Variants in TRIM3 observed in about 807,000 individuals in gnomAD.
TRIM3 encodes tripartite motif-containing protein 3.
In TRIM3, 13 loss-of-function variants were observed where a neutral mutation model predicts 66.6. The observed-to-expected ratio is 0.20, with a 90% CI of 0.13 to 0.31. The LOEUF (loss-of-function observed/expected upper bound fraction) is 0.31. TRIM3 is among the 10% of genes least tolerant of loss of function. The probability of loss-of-function intolerance (pLI) is 1.00; values close to 1 mark genes in which losing one functional copy is unlikely to be tolerated. For synonymous variants in TRIM3, 406 were observed against 411.7 expected (o/e 0.99, Z 0.17); for missense variants, 711 against 1,020.4 (o/e 0.70, Z 4.13).
Position 6,449,230 on chromosome 11 carries a change from A to T in TRIM3, c.2083-50T>A. On this transcript the variant is annotated intron_variant, in intron 11 of 11. Coordinates refer to ENST00000345851, the MANE Select transcript of TRIM3 (RefSeq NM_033278.4). The surrounding 1 kb of genome is among the most constrained non-coding windows in gnomAD (Gnocchi z 5.3). ...GGAGAGGCAAGATCAGGCAGATGAGAGTCTGTTTTGGGGGAACGGGCATAT... is the reference window on the plus strand; with the variant it reads ...GGAGAGGCAAGATCAGGCAGATGAGTGTCTGTTTTGGGGGAACGGGCATAT... 1 of 1,610,280 alleles carries T rather than the reference A, an allele frequency of 6.2e-7. No individual in the cohort carries two copies. The highest frequency in any genetic ancestry group is 8.5e-7 in the Non-Finnish European group (1 of 1,176,730).
rs939645712 is a variant in TRIM3 at position 6,449,921 on chromosome 11, G to C, written c.1942-475C>G. 6.1e-6 allele frequency: 1 copy of C among 163,674 alleles called. No homozygotes were observed. Among genetic ancestry groups the C allele is most frequent in the Non-Finnish European group, 1.3e-5 (1 of 74,802 alleles). The allele number at this position is 163,674 out of a possible 1,614,324, so 10.1% of individuals were successfully genotyped here. On this transcript the variant is annotated intron_variant, in intron 10 of 11. Transcript: ENST00000345851. The surrounding 1 kb of genome is among the most constrained non-coding windows in gnomAD (Gnocchi z 5.3). ...ATCTTCCTGTCTCAGTCTTGCCTCAGCCTGAGTGATCTAAGACACACAGGA... is the reference window on the plus strand; with the variant it reads ...ATCTTCCTGTCTCAGTCTTGCCTCACCCTGAGTGATCTAAGACACACAGGA...
At chr11:6,468,971 G>T (rs1366467117) in intron 1 of TRIM3, among the ~76,000 whole-genome samples, 1 of 152,224 alleles carries the variant, frequency 6.6e-6, no homozygotes, top group Non-Finnish European at 1.5e-5. Context: ...CCTGGGTAGA[G>T]TGTGAAGGGC....
chr11:6,450,667 G>A lies in TRIM3; in HGVS notation c.1871-46C>T, dbSNP rs746239862. 2 of 1,573,948 alleles carry A rather than the reference G, an allele frequency of 1.3e-6. No homozygotes were observed. The highest frequency in any genetic ancestry group is 1.7e-6 in the Non-Finnish European group (2 of 1,143,602). ...TCAGGGCAGTAAGCTGGGATGCTGA[G>A]TGGGATGGGGAAGAGTATCTGGGAA... On this transcript the variant is annotated intron_variant, in intron 9 of 11. Transcript: ENST00000345851. The surrounding 1 kb of genome is among the most constrained non-coding windows in gnomAD (Gnocchi z 4.8).
chr11:6,466,833 T>A (rs1850491119), intron 1 of TRIM3, among the ~76,000 whole-genome samples: 1 of 152,206 alleles, frequency 6.6e-6, no homozygotes, highest in Non-Finnish European at 1.5e-5. Flanking sequence ...CTGTATTTAC[T>A]CCATCCTAAC....
In TRIM3 at chr11:6,463,394, G is replaced by A. The variant is rs575104316; in HGVS notation, c.131+2171C>T. Among the ~76,000 whole-genome samples the A allele has an allele frequency of 3.9e-5, 6 of 152,370 alleles. No individual in the cohort carries two copies. The South Asian group carries it at 1.0e-3, about 26-fold the overall frequency. On this transcript the variant is annotated intron_variant, in intron 2 of 11. Coordinates refer to ENST00000345851, the MANE Select transcript of TRIM3 (RefSeq NM_033278.4). The stretch of plus-strand genomic sequence containing the variant: ...AAGCAATCAATACATGGTAGCTACT[G>A]TTATTACAATTTCTCAGCCAGATTT...
chr11:6,456,275 C>A lies in TRIM3; in HGVS notation c.1429+22G>T. The A allele has an allele frequency of 6.3e-7, 1 of 1,581,340 alleles. No individual in the cohort carries two copies. Among genetic ancestry groups the A allele is most frequent in the Non-Finnish European group, 8.6e-7 (1 of 1,160,894 alleles). On this transcript the variant is annotated intron_variant, in intron 6 of 11. Coordinates refer to ENST00000345851, the MANE Select transcript of TRIM3 (RefSeq NM_033278.4). The surrounding 1 kb of genome is among the most constrained non-coding windows in gnomAD (Gnocchi z 6.4). ...CACTACCTGAGCCTGGCCCATCTGG[C>A]TCTGCCCTCGGCTGTCTGTACCAAC...
intron 1 of TRIM3, among the ~76,000 whole-genome samples, chr11:6,467,696 T>C (rs983460310): frequency 6.6e-6 from 1 of 151,544 alleles, no homozygotes; most frequent in Non-Finnish European, 1.5e-5. Flanking sequence ...GCCCAGGAGG[T>C]CGAGGCTGCA....
At chr11:6,452,472 C>CTTGG (rs1258637179) in intron 7 of TRIM3, 2 of 152,406 alleles carry the variant, frequency 1.3e-5, no homozygotes, top group East Asian at 3.9e-4. Context: ...TGGCCTTGCT[C>CTTGG]TTGGATTCAA....
chr11:6,467,086 G>T lies in TRIM3; in HGVS notation c.-37-1354C>A, dbSNP rs190783700. 3.3e-4 allele frequency among the ~76,000 whole-genome samples: 50 copies of T among 152,266 alleles called. No individual in the cohort carries two copies. In the East Asian group the frequency reaches 8.5e-3, roughly 26 times the overall value. ...GGAATGGAATGATAAAACAGACAGG[G>T]TCACTGTCCCTGTGGTGGGGAGGTG... On this transcript the variant is annotated intron_variant, in intron 1 of 11. Coordinates refer to ENST00000345851, the MANE Select transcript of TRIM3 (RefSeq NM_033278.4).
At chr11:6,453,829 C>T (rs745700856) in intron 7 of TRIM3, among the ~76,000 whole-genome samples, 5 of 152,216 alleles carry the variant, frequency 3.3e-5, no homozygotes, top group Non-Finnish European at 7.3e-5. Flanking sequence ...ACGGTCATGT[C>T]GTGAGGACCC....
intron 7 of TRIM3, chr11:6,452,205 C>T (rs1202610173): frequency 6.6e-6 from 1 of 152,258 alleles, no homozygotes; most frequent in Admixed American, 6.5e-5. Flanking sequence ...AACCTTCCTC[C>T]TACACAGAGT....
Position 6,451,421 on chromosome 11 carries a change from G to A in TRIM3, c.1551C>T (p.Gly517=), listed in dbSNP as rs2134158547. ...GGACCCCAAAACGGAACTTGAACTGGCCCTCATTGGAGAAAACCTGGAGCA... is the reference window on the plus strand; with the variant it reads ...GGACCCCAAAACGGAACTTGAACTGACCCTCATTGGAGAAAACCTGGAGCA... ...NQCIQVFSNE[G]QFKFRFGVRG... The change falls in exon 8 of 12, where the codon GGC becomes GGT. Residue 517 remains glycine, a synonymous_variant. Coordinates refer to ENST00000345851, the MANE Select transcript of TRIM3 (RefSeq NM_033278.4). The A allele has an allele frequency of 1.9e-6, 3 of 1,614,148 alleles. No individual in the cohort carries two copies. The highest frequency in any genetic ancestry group is 2.5e-6 in the Non-Finnish European group (3 of 1,180,024).
At chr11:6,473,396 AG>A (rs1850783647) in intron 1 of TRIM3, 1 of 146,108 alleles carries the variant, frequency 6.8e-6, no homozygotes, top group Non-Finnish European at 1.5e-5. Context: ...TGGGGGAGCA[AG>A]GGGTGGAGGT....
Position 6,451,395 on chromosome 11 carries a change from C to T in TRIM3, c.1577G>A (p.Arg526Gln). The change falls in exon 8 of 12, where the codon CGA (arginine) becomes CAA (glutamine). Residue 526 changes from arginine (R) to glutamine (Q), a missense_variant. Physicochemically the swap from Arg to Gln is conservative, Grantham distance 43. Around this residue, in one of 3 missense-constraint regions of TRIM3, gnomAD observed 163 missense variants for 321.9 expected, o/e 0.51. Transcript: ENST00000345851. ...EGQFKFRFGV[R>Q]GRSPGQLQRP... ...CTGCAGCTGCCCAGGTGAGCGTCCT[C>T]GGACCCCAAAACGGAACTTGAACTG... 3.1e-6 allele frequency: 5 copies of T among 1,614,148 alleles called. No individual in the cohort carries two copies. Among genetic ancestry groups the T allele is most frequent in the Non-Finnish European group, 4.2e-6 (5 of 1,180,036 alleles).
At chr11:6,468,770 G>C (rs1850568008) in intron 1 of TRIM3, among the ~76,000 whole-genome samples, 1 of 152,334 alleles carries the variant, frequency 6.6e-6, no homozygotes, top group East Asian at 1.9e-4. Flanking sequence ...ACAACAGCTG[G>C]ATTACTCCAA....
intron 1 of TRIM3, among the ~76,000 whole-genome samples, chr11:6,468,307 C>T (rs577466509): frequency 6.6e-6 from 1 of 152,284 alleles, no homozygotes; most frequent in South Asian, 2.1e-4. Flanking sequence ...CAATGTGTCT[C>T]TCTGATGTCC....
intron 1 of TRIM3, among the ~76,000 whole-genome samples, chr11:6,466,341 C>T (rs1564974313): frequency 6.6e-6 from 1 of 152,222 alleles, no homozygotes; most frequent in Non-Finnish European, 1.5e-5. Flanking sequence ...ACCATCTGTT[C>T]TCTCCTGGAA....
At position 6,448,854 on chromosome 11, in the gene TRIM3, GAATA is replaced by G. The variant is rs1849606128; in HGVS notation, c.*170_*173del. On this transcript the variant is annotated 3_prime_UTR_variant, in exon 12 of 12. Transcript: ENST00000345851. Reference sequence around the variant, plus strand: ...TCACCCAGTCACCAAAGCAAGAACCGAATAAATAAAGTGCAACCGTGGGGGTGGG... The same window carrying G: ...TCACCCAGTCACCAAAGCAAGAACCGAATAAAGTGCAACCGTGGGGGTGGG... 2.7e-6 allele frequency: 2 copies of G among 752,854 alleles called. No individual in the cohort carries two copies. Among genetic ancestry groups the G allele is most frequent in the Non-Finnish European group, 4.4e-6 (2 of 455,092 alleles). The allele number at this position is 752,854 out of a possible 1,614,324, so 46.6% of individuals were successfully genotyped here. A position where few individuals can be genotyped will look rare whatever the true frequency, so the allele number is the denominator to read the frequency against.
Position 6,457,660 on chromosome 11 carries a change from T to A in TRIM3, c.515+36A>T, listed in dbSNP as rs1172036947. ...CGCCCGAGCTAAGACACCATCCCTGTGGCCCCACCAGCCCAGGACCCTGCC... is the reference window on the plus strand; with the variant it reads ...CGCCCGAGCTAAGACACCATCCCTGAGGCCCCACCAGCCCAGGACCCTGCC... On this transcript the variant is annotated intron_variant, in intron 4 of 11. Coordinates refer to ENST00000345851, the MANE Select transcript of TRIM3 (RefSeq NM_033278.4). The surrounding 1 kb of genome is among the most constrained non-coding windows in gnomAD (Gnocchi z 4.5). 4 of 1,595,418 alleles carry A rather than the reference T, an allele frequency of 2.5e-6. No individual in the cohort carries two copies. The highest frequency in any genetic ancestry group is 3.4e-6 in the Non-Finnish European group (4 of 1,167,238).
Sources: allele counts gnomAD v4.1 joint callset (sites outside exome capture counted in the v4.1 genomes callset), GRCh38; gene constraint gnomAD v4.1.1; regional missense constraint gnomAD v4.1.1; non-coding constraint Gnocchi (gnomAD v3.1); transcripts MANE v1.5; gene names NCBI Gene and HGNC (gene_info 2026-07-23, HGNC 2026-07-21).